Variants in MBNL1 observed in about 807,000 individuals in gnomAD.
MBNL1 encodes the protein muscleblind like splicing regulator 1.
In MBNL1, 8 loss-of-function variants were observed where a neutral mutation model predicts 42.2. The ratio of observed to expected loss-of-function variants is 0.19; its 90% confidence interval spans 0.11 to 0.34. The LOEUF is 0.34. MBNL1 is among the 10% of genes least tolerant of loss of function. The pLI is 1.00. For missense variants in MBNL1, 309 were observed against 495.3 expected, an observed-to-expected ratio of 0.62 and a Z score of 3.57; for synonymous variants, 169 against 173.9, an observed-to-expected ratio of 0.97 and a Z score of 0.22.
At chr3:152,379,532 GT>G (rs1215853318) in intron 2 of MBNL1, among the ~76,000 whole-genome samples, 1 of 152,072 alleles carries the variant, frequency 6.6e-6, no homozygotes, top group African/African-American at 2.4e-5. Context: ...AAGCACTTCT[GT>G]TTATGCATTT....
chr3:152,443,478 T>C (rs948489658), intron 4 of MBNL1, among the ~76,000 whole-genome samples: 1 of 36,188 alleles, frequency 2.8e-5, no homozygotes, highest in Admixed American at 2.7e-4. Context: ...GTAGTATATA[T>C]TTAGCATACA....
intron 2 of MBNL1, among the ~76,000 whole-genome samples, chr3:152,248,995 A>G (rs1397357855): frequency 2.0e-5 from 3 of 151,216 alleles, no homozygotes; most frequent in African/African-American, 4.9e-5. Flanking sequence ...TATGTGCCAC[A>G]TTTTCTTAAT....
At chr3:152,324,473 C>T (rs1223208557) in intron 2 of MBNL1, among the ~76,000 whole-genome samples, 5 of 152,092 alleles carry the variant, frequency 3.3e-5, no homozygotes, top group African/African-American at 1.2e-4. Context: ...GAGACCTCTT[C>T]CCAATTCCAT....
chr3:152,290,211 G>A (rs2055057491), intron 1 of MBNL1, among the ~76,000 whole-genome samples: 1 of 151,868 alleles, frequency 6.6e-6, no homozygotes, highest in Non-Finnish European at 1.5e-5. Context: ...AGTACTGAGG[G>A]CAATTATCAC....
chr3:152,271,405 G>A (rs1008846621), intron 1 of MBNL1, among the ~76,000 whole-genome samples: 1 of 152,140 alleles, frequency 6.6e-6, no homozygotes, highest in Admixed American at 6.5e-5. Context: ...TATATAAAAT[G>A]CCTTATCTTC....
chr3:152,340,505 A>T, intron 2 of MBNL1: 1 of 1,563,944 alleles, frequency 6.4e-7, no homozygotes, highest in African/African-American at 1.4e-5. Context: ...GTATATTAAA[A>T]ATAGTGGAAG....
chr3:152,419,647 G>C (rs957242203), intron 3 of MBNL1, among the ~76,000 whole-genome samples: 2 of 152,112 alleles, frequency 1.3e-5, no homozygotes, highest in Non-Finnish European at 2.9e-5. Context: ...AAAACTGGGC[G>C]GCTATTTGGG....
chr3:152,319,260 A>G (rs1002011368), intron 2 of MBNL1, among the ~76,000 whole-genome samples: 1 of 152,038 alleles, frequency 6.6e-6, no homozygotes, highest in African/African-American at 2.4e-5. Flanking sequence ...TTTAGAGATG[A>G]TTTTTTCCTT....
At chr3:152,300,488 T>C in intron 2 of MBNL1, 121 bp downstream of exon 2, 5 of 777,308 alleles carry the variant, frequency 6.4e-6, no homozygotes, top group Non-Finnish European at 9.6e-6. Context: ...ATACAGTGTG[T>C]TGATGATGTT....
intron 2 of MBNL1, among the ~76,000 whole-genome samples, chr3:152,333,404 GAC>G (rs2086797262): frequency 6.6e-6 from 1 of 152,182 alleles, no homozygotes; most frequent in Admixed American, 6.5e-5. Flanking sequence ...TTTGGAAAAA[GAC>G]AGGGATATCA....
chr3:152,268,674 C>T (rs1319063342), upstream of MBNL1: 1 of 437,138 alleles, frequency 2.3e-6, no homozygotes. Flanking sequence ...TCCTCCTGCT[C>T]TCGGCGCCGC....
At chr3:152,351,577 A>G (rs1250019922) in intron 2 of MBNL1, among the ~76,000 whole-genome samples, 2 of 152,186 alleles carry the variant, frequency 1.3e-5, no homozygotes, top group Admixed American at 1.3e-4. Context: ...TTGTACATAT[A>G]TGGTACAACA....
At chr3:152,426,418 T>C (rs2153719780) in intron 3 of MBNL1, among the ~76,000 whole-genome samples, 1 of 152,362 alleles carries the variant, frequency 6.6e-6, no homozygotes, top group Admixed American at 6.5e-5. Flanking sequence ...ATTTTTACTT[T>C]GTCACATACT....
chr3:152,451,932 G>T (rs1277607832), intron 6 of MBNL1, among the ~76,000 whole-genome samples: 1 of 152,118 alleles, frequency 6.6e-6, no homozygotes, highest in East Asian at 1.9e-4. Flanking sequence ...GCTTTTGTAA[G>T]GTTTAGATTT....
intron 3 of MBNL1, 61 bp downstream of exon 3, chr3:152,415,172 C>T (rs2098676082): frequency 1.4e-6 from 2 of 1,422,282 alleles, no homozygotes; most frequent in South Asian, 1.5e-5. Flanking sequence ...AGTTGTAGTA[C>T]TAAAGTGATT....
At chr3:152,266,138 A>G (rs1220094465), upstream of MBNL1, 3 of 152,206 alleles carry the variant, frequency 2.0e-5, no homozygotes, top group Admixed American at 1.3e-4. Context: ...ATTTAGTGTT[A>G]TATCACAATT....
chr3:152,387,445 A>C (rs1349418737), intron 2 of MBNL1, among the ~76,000 whole-genome samples: 1 of 152,154 alleles, frequency 6.6e-6, no homozygotes, highest in African/African-American at 2.4e-5. Context: ...CTAAAAATTA[A>C]AATATGAAAG....
chr3:152,266,952 CAGTAA>C (rs949363148), upstream of MBNL1: 1 of 152,102 alleles, frequency 6.6e-6, no homozygotes, highest in African/African-American at 2.4e-5. Context: ...TTAGTTTTGG[CAGTAA>C]AGTTGAGACT....
chr3:152,388,733 T>C (rs1434554394), intron 2 of MBNL1, among the ~76,000 whole-genome samples: 1 of 152,236 alleles, frequency 6.6e-6, no homozygotes, highest in Non-Finnish European at 1.5e-5. Context: ...AAGCTAGAGC[T>C]GGAAATCTGG....
Sources: allele counts gnomAD v4.1 joint callset (sites outside exome capture counted in the v4.1 genomes callset), GRCh38; gene constraint gnomAD v4.1.1; transcripts MANE v1.5; gene names NCBI Gene and HGNC (gene_info 2026-07-23, HGNC 2026-07-21).